The following ARHGAP8 variants were observed in gnomAD, a reference collection of about 807,000 sequenced individuals.
ARHGAP8 encodes the protein rho GTPase-activating protein 8.
Under a neutral mutation model 46.1 loss-of-function variants are expected in ARHGAP8, and 62 were observed. The ratio of observed to expected loss-of-function variants is 1.34; its 90% CI spans 1.10 to 1.66. The LOEUF (loss-of-function observed/expected upper bound fraction) is 1.66. Ranked by LOEUF, ARHGAP8 falls within the 40% of genes most tolerant of loss-of-function variation. The probability of loss-of-function intolerance (pLI) is 0.00; values close to 1 mark genes in which losing one functional copy is unlikely to be tolerated. For synonymous variants in ARHGAP8, 375 were observed against 243.1 expected, an observed-to-expected ratio of 1.54 and a Z score of -5.05; for missense variants, 923 against 568.4, an observed-to-expected ratio of 1.62 and a Z score of -6.34.
In ARHGAP8 at chr22:44,789,105, C is replaced by T. The variant is rs141376717; in HGVS notation, c.79+2499C>T. Among the ~76,000 whole-genome samples, 339 of 152,158 alleles carry T rather than the reference C, an allele frequency of 2.2e-3. 1 individual carries two copies. Among genetic ancestry groups the T allele is most frequent in the Middle Eastern group, 6.8e-3 (2 of 294 alleles). On this transcript the variant is annotated intron_variant, in intron 2 of 11. Transcript: ENST00000356099. ...GTAAATTTCTTCCTTTAGTTCAGTCCGTTTTTGCTTCCTGTGTTTTGATGC... is the reference window on the plus strand; with the variant it reads ...GTAAATTTCTTCCTTTAGTTCAGTCTGTTTTTGCTTCCTGTGTTTTGATGC...
intron 1 of ARHGAP8, among the ~76,000 whole-genome samples, chr22:44,774,965 G>A (rs1926317220): frequency 1.3e-5 from 2 of 151,706 alleles, no homozygotes; most frequent in South Asian, 2.1e-4. Flanking sequence ...CGAGTAGCTG[G>A]GACAACAGGC....
At chr22:44,816,836 C>T (rs1481785506) in intron 5 of ARHGAP8, among the ~76,000 whole-genome samples, 2 of 148,626 alleles carry the variant, frequency 1.3e-5, no homozygotes, top group Non-Finnish European at 3.0e-5. Flanking sequence ...AACTGCCCTG[C>T]CAGGCGGCTT....
chr22:44,856,707 C>G lies in ARHGAP8; in HGVS notation c.878-3024C>G, dbSNP rs775714251. Among the ~76,000 whole-genome samples, 31 of 144,410 alleles carry G rather than the reference C, an allele frequency of 2.1e-4. 3 individuals carry two copies. Among genetic ancestry groups the G allele is most frequent in the Non-Finnish European group, 3.9e-4 (26 of 66,646 alleles). The allele number at this position is 144,410 out of a possible 152,430, so 94.7% of individuals were successfully genotyped here. On this transcript the variant is annotated intron_variant, in intron 10 of 11. Coordinates refer to ENST00000356099, the MANE Select transcript of ARHGAP8 (RefSeq NM_181335.3). ...AATCGTATCCCATGATTCTCCTCTT[C>G]ACAACAAAGGACCCAAGAGACAGAG...
chr22:44,825,413 C>A, intron 6 of ARHGAP8, 70 bp from the exon 7 acceptor site: 1 of 1,540,538 alleles, frequency 6.5e-7, no homozygotes, highest in South Asian at 1.2e-5. Flanking sequence ...GGCATCCAGC[C>A]CCACCCAGCG....
At chr22:44,840,509 G>A (rs1023593361) in intron 7 of ARHGAP8, among the ~76,000 whole-genome samples, 5 of 151,932 alleles carry the variant, frequency 3.3e-5, no homozygotes, top group Admixed American at 1.3e-4. Context: ...AGTCTATTCC[G>A]GTTGCTATGA....
chr22:44,798,821 A>C (rs141554917), intron 2 of ARHGAP8, among the ~76,000 whole-genome samples: 168 of 152,038 alleles, frequency 1.1e-3, no homozygotes, highest in South Asian at 4.2e-3. Flanking sequence ...GCTGGAGTGC[A>C]GTGGTGCAAT....
chr22:44,849,002 A>G lies in ARHGAP8; in HGVS notation c.819A>G (p.Arg273=). 6.2e-7 allele frequency: 1 copy of G among 1,614,112 alleles called. No homozygotes were observed. The highest frequency in any genetic ancestry group is 1.7e-5 in the Admixed American group (1 of 60,028). ...CCGTGATCCTGAAGACCTTCCTGCG[A>G]GAGCTGCCCCAGCCGCTTCTGACCT... ...IPAVILKTFL[R]ELPQPLLTFQ... Residue 273 remains arginine, a synonymous_variant, in exon 10 of 12, where the codon CGA becomes CGG. Coordinates refer to ENST00000356099, the MANE Select transcript of ARHGAP8 (RefSeq NM_181335.3).
At chr22:44,759,140 G>T (rs925399298) in intron 1 of ARHGAP8, among the ~76,000 whole-genome samples, 4 of 152,182 alleles carry the variant, frequency 2.6e-5, no homozygotes, top group African/African-American at 9.6e-5. Context: ...GGATCCCGGG[G>T]TCTGTCCCAA....
intron 7 of ARHGAP8, 54 bp downstream of exon 7, chr22:44,825,647 G>T: frequency 6.4e-7 from 1 of 1,555,488 alleles, no homozygotes; most frequent in Non-Finnish European, 8.7e-7. Flanking sequence ...TGGGAGCTGT[G>T]GGGCGCTTCT....
chr22:44,823,797 C>T (rs1382996463), intron 6 of ARHGAP8, among the ~76,000 whole-genome samples: 2 of 152,086 alleles, frequency 1.3e-5, no homozygotes, highest in African/African-American at 4.8e-5. Flanking sequence ...ACACGCAGCT[C>T]CGGCTTCTCA....
chr22:44,828,209 A>G (rs1177331038), intron 7 of ARHGAP8, among the ~76,000 whole-genome samples: 1 of 152,126 alleles, frequency 6.6e-6, no homozygotes, highest in African/African-American at 2.4e-5. Flanking sequence ...CACCCCAAAT[A>G]TATCTGGAAC....
At chr22:44,860,835 A>C (rs533570363) in intron 11 of ARHGAP8, among the ~76,000 whole-genome samples, 10 of 152,144 alleles carry the variant, frequency 6.6e-5, no homozygotes, top group Admixed American at 2.0e-4. Flanking sequence ...AACCCCCTCC[A>C]TCTCTCCAGG....
intron 7 of ARHGAP8, among the ~76,000 whole-genome samples, chr22:44,839,155 G>A (rs1479544281): frequency 6.6e-6 from 1 of 152,264 alleles, no homozygotes; most frequent in East Asian, 1.9e-4. Flanking sequence ...CCTCCCCAGG[G>A]ACACTGTCTC....
intron 7 of ARHGAP8, among the ~76,000 whole-genome samples, chr22:44,832,286 G>A (rs1931002916): frequency 6.8e-6 from 1 of 148,018 alleles, no homozygotes; most frequent in Non-Finnish European, 1.5e-5. Context: ...GAGTGCAGTG[G>A]TGCAATCTTG....
intron 2 of ARHGAP8, among the ~76,000 whole-genome samples, chr22:44,790,537 G>C (rs528709616): frequency 3.4e-4 from 52 of 151,788 alleles, no homozygotes; most frequent in African/African-American, 1.3e-3. Flanking sequence ...TTAGCCAGGT[G>C]TGGTGGCACA....
rs2070543528 is a variant in ARHGAP8 at position 44,862,466 on chromosome 22, C to T, written c.1173C>T (p.Gly391=). Residue 391 remains glycine, a synonymous_variant, in exon 12 of 12, where the codon GGC becomes GGT. Coordinates refer to ENST00000356099, the MANE Select transcript of ARHGAP8 (RefSeq NM_181335.3). ...FSTPEAPGEH[G]LAPWEQGSRA... is the part of the protein sequence containing the mutation. ...CCCCGGAGGCACCTGGGGAGCACGG[C>T]CTGGCACCATGGGAACAGGGGAGCA... The T allele has an allele frequency of 1.2e-6, 2 of 1,613,864 alleles. No individual in the cohort carries two copies. Among genetic ancestry groups the T allele is most frequent in the African/African-American group, 1.3e-5 (1 of 74,908 alleles).
intron 2 of ARHGAP8, among the ~76,000 whole-genome samples, chr22:44,787,621 A>G (rs1927353120): frequency 1.3e-5 from 2 of 152,168 alleles, no homozygotes; most frequent in South Asian, 4.1e-4. Flanking sequence ...CTGGGATTAT[A>G]GGCGTGAGCC....
chr22:44,842,279 C>T (rs577725480), intron 7 of ARHGAP8, among the ~76,000 whole-genome samples: 8 of 152,186 alleles, frequency 5.3e-5, no homozygotes, highest in Non-Finnish European at 1.0e-4. Flanking sequence ...ATTGCTTCAA[C>T]TCAGGAGGTG....
chr22:44,854,495 A>G (rs182549304), intron 10 of ARHGAP8, among the ~76,000 whole-genome samples: 37 of 152,074 alleles, frequency 2.4e-4, no homozygotes, highest in African/African-American at 8.4e-4. Context: ...AACCTCCTAA[A>G]GTGCTGGGAT....
Sources: gnomAD v4.1 joint callset for allele counts (sites outside exome capture counted in the v4.1 genomes callset) on GRCh38, gnomAD v4.1.1 for gene constraint, MANE v1.5 for transcripts, NCBI Gene and HGNC (gene_info 2026-07-23, HGNC 2026-07-21) for gene names.